The following WNK2 variants were observed in gnomAD, a reference collection of about 807,000 sequenced individuals.
The protein encoded by WNK2 is serine/threonine-protein kinase WNK2.
WNK2 carries 67 observed loss-of-function variants against 192.1 expected under a neutral mutation model. The observed-to-expected ratio is 0.35, with a 90% CI of 0.29 to 0.43. The LOEUF is 0.43. Ranked by LOEUF, WNK2 falls within the 20% of genes least tolerant of loss-of-function variation. The pLI is 1.00. For synonymous variants in WNK2, 1,439 were observed against 1,393.9 expected (o/e 1.03, Z -0.72); for missense variants, 2,698 against 3,089.7 (o/e 0.87, Z 3.01).
At chr9:93,235,805 C>G (rs1478877521) in intron 5 of WNK2, among the ~76,000 whole-genome samples, 2 of 152,344 alleles carry the variant, frequency 1.3e-5, no homozygotes, top group East Asian at 3.9e-4. Context: ...CAGTGCTGCT[C>G]TGCGGGGCCA....
intron 2 of WNK2, among the ~76,000 whole-genome samples, chr9:93,185,919 G>A (rs1351338086): frequency 6.6e-6 from 1 of 152,210 alleles, no homozygotes; most frequent in Non-Finnish European, 1.5e-5. Flanking sequence ...GTGGGCCTCG[G>A]AGGCTGTGTC....
At chr9:93,201,264 C>T (rs1832301165) in intron 2 of WNK2, among the ~76,000 whole-genome samples, 2 of 152,226 alleles carry the variant, frequency 1.3e-5, no homozygotes, top group African/African-American at 4.8e-5. Context: ...GACACTGGGG[C>T]TGTCTGGGCT....
Position 93,317,603 on chromosome 9 carries a change from C to T in WNK2, c.6600C>T (p.Ala2200=), listed in dbSNP as rs767417874. ...TGTCCACCACGGTCATTCCCGGAGCCGCCCCGACCCTGTCCGTGCCCACAC... is the reference window on the plus strand; with the variant it reads ...TGTCCACCACGGTCATTCCCGGAGCTGCCCCGACCCTGTCCGTGCCCACAC... ...GPLSTTVIPG[A]APTLSVPTPD... The change falls in exon 29 of 30, where the codon GCC becomes GCT. Residue 2200 remains alanine (A), a synonymous_variant. Coordinates refer to ENST00000427277, the MANE Select transcript of WNK2 (RefSeq NM_006648.4). The T allele has an allele frequency of 4.2e-5, 68 of 1,613,052 alleles. No homozygotes were observed. Among genetic ancestry groups the T allele is most frequent in the Middle Eastern group, 1.6e-4 (1 of 6,084 alleles).
Position 93,290,333 on chromosome 9 carries a change from T to C in WNK2, c.4936+286T>C, listed in dbSNP as rs976940478. 2.6e-4 allele frequency among the ~76,000 whole-genome samples: 35 copies of C among 132,086 alleles called. No individual in the cohort carries two copies. The South Asian group carries it at 7.8e-3, about 30-fold the overall frequency. The allele number at this position is 132,086 out of a possible 152,430, so 86.7% of individuals were successfully genotyped here. ...ACAAATTGTTAAGCTTCTTATGAGC[T>C]TTTTTTTTTTTTTCAATTTTTTAAA... On this transcript the variant is annotated intron_variant, in intron 21 of 29. Coordinates refer to ENST00000427277, the MANE Select transcript of WNK2 (RefSeq NM_006648.4).
rs773739580 is a variant in WNK2, at chr9:93,239,155, C to T, written c.1323-602C>T. 3.3e-5 allele frequency among the ~76,000 whole-genome samples: 5 copies of T among 152,214 alleles called. No individual in the cohort carries two copies. The highest frequency in any genetic ancestry group is 5.9e-5 in the Non-Finnish European group (4 of 68,030). ...TGGTCACCATGGCAACACCCTGTGG[C>T]CCGCCCTCCCGGATCCCTGCAAAGA... On this transcript the variant is annotated intron_variant, in intron 6 of 29. Transcript: ENST00000427277. This position sits in a 1 kb window ranked among gnomAD's most constrained non-coding sequence, Gnocchi z 4.2.
intron 2 of WNK2, among the ~76,000 whole-genome samples, chr9:93,212,828 A>G (rs574736614): frequency 1.3e-5 from 2 of 152,274 alleles, no homozygotes; most frequent in East Asian, 3.9e-4. Context: ...GTGTTTCTTC[A>G]TCTCTGGGTG....
At chr9:93,293,567 G>A (rs568950549) in intron 23 of WNK2, among the ~76,000 whole-genome samples, 6 of 152,160 alleles carry the variant, frequency 3.9e-5, no homozygotes, top group East Asian at 1.9e-4. Flanking sequence ...TGATCCACCC[G>A]CCTTGGCCTC....
chr9:93,298,213 G>T (rs1470010922), intron 24 of WNK2, 146 bp downstream of exon 24: 2 of 955,444 alleles, frequency 2.1e-6, no homozygotes, highest in Admixed American at 2.3e-5. Flanking sequence ...TTTCCCTGGA[G>T]CAGGGGAGTC....
At chr9:93,206,404 C>G (rs1378916245) in intron 2 of WNK2, among the ~76,000 whole-genome samples, 1 of 152,152 alleles carries the variant, frequency 6.6e-6, no homozygotes, top group African/African-American at 2.4e-5. Context: ...GAGGGCACAG[C>G]ATTTGGCATG....
At chr9:93,277,803 C>T (rs907691986) in intron 19 of WNK2, among the ~76,000 whole-genome samples, 2 of 151,926 alleles carry the variant, frequency 1.3e-5, no homozygotes, top group African/African-American at 4.8e-5. Flanking sequence ...GAACTCTACC[C>T]CTAAAGAAAA....
chr9:93,254,299 G>A (rs561106941), intron 9 of WNK2, among the ~76,000 whole-genome samples: 1 of 152,346 alleles, frequency 6.6e-6, no homozygotes, highest in East Asian at 1.9e-4. Flanking sequence ...TGCAGCCACT[G>A]TGTACTCCGG....
rs1563997646 is a variant in WNK2, at chr9:93,211,259, C to CACACACTCGCACATTT, written c.682-18435_682-18434insACACTCGCACATTTAC. 4.6e-4 allele frequency among the ~76,000 whole-genome samples: 68 copies of CACACACTCGCACATTT among 147,528 alleles called. 5 individuals carry two copies. The highest frequency in any genetic ancestry group is 3.7e-3 in the Middle Eastern group (1 of 272). ...TCACTCATTCACTCACTCACTCATT[C>CACACACTCGCACATTT]ACTCATTCACTCACTCATCCACTCA... On this transcript the variant is annotated intron_variant, in intron 2 of 29. Transcript: ENST00000427277.
intron 9 of WNK2, among the ~76,000 whole-genome samples, chr9:93,255,690 G>A (rs1387298144): frequency 1.3e-5 from 2 of 152,182 alleles, no homozygotes; most frequent in African/African-American, 4.8e-5. Context: ...ATCCTAGACA[G>A]CAAGACACTT....
At position 93,256,994 on chromosome 9, in the gene WNK2, C is replaced by T; in HGVS notation, c.2237C>T (p.Pro746Leu). The change falls in exon 11 of 30, where the codon CCA becomes CTA. Residue 746 changes from proline (P) to leucine (L), a missense_variant. Coordinates refer to ENST00000427277, the MANE Select transcript of WNK2 (RefSeq NM_006648.4). ...ACACCCCTGCCGCAGGTCCTGGCCC[C>T]ACAGCCCGTGGTCCCCCTCCAGCCG... ...QPTPLPQVLAPQPVVPLQPVP... is the reference protein window; with the variant it reads ...QPTPLPQVLALQPVVPLQPVP... 6.3e-7 allele frequency: 1 copy of T among 1,597,624 alleles called. No individual in the cohort carries two copies. Among genetic ancestry groups the T allele is most frequent in the Non-Finnish European group, 8.5e-7 (1 of 1,176,052 alleles).
chr9:93,199,298 C>A (rs1831897684), intron 2 of WNK2, among the ~76,000 whole-genome samples: 1 of 152,170 alleles, frequency 6.6e-6, no homozygotes, highest in African/African-American at 2.4e-5. Flanking sequence ...TTCAGGCTTC[C>A]CCCAATGTCA....
At chr9:93,310,318 C>G (rs759505031) in intron 28 of WNK2, among the ~76,000 whole-genome samples, 7 of 152,188 alleles carry the variant, frequency 4.6e-5, no homozygotes, top group African/African-American at 7.2e-5. Flanking sequence ...CCTGGGCAGG[C>G]TCATCTCTGC....
At position 93,268,663 on chromosome 9, in the gene WNK2, C is replaced by CGGT. The variant is rs1564133787; in HGVS notation, c.3953_3955dup (p.Val1318dup). ...GGGAAGAGGTGGTTCATCATCTGTC[C>CGGT]GGTGGCTGAGCACCCCGCCCCCGAG... On this transcript the variant is annotated inframe_insertion, in exon 19 of 30. Coordinates refer to ENST00000427277, the MANE Select transcript of WNK2 (RefSeq NM_006648.4). 2 of 1,613,524 alleles carry CGGT rather than the reference C, an allele frequency of 1.2e-6. No individual in the cohort carries two copies. The highest frequency in any genetic ancestry group is 3.3e-5 in the Admixed American group (2 of 59,998).
Position 93,288,804 on chromosome 9 carries a change from A to G in WNK2, c.4050A>G (p.Lys1350=). The change falls in exon 20 of 30, where the codon AAA becomes AAG. Residue 1350 remains lysine, a synonymous_variant. Transcript: ENST00000427277. ...PEASQDSAPY[K]DQLSSKEQPS... ...TTCTTCTAGATTCAGCGCCCTATAAAGACCAGCTGTCCTCGAAGGAACAAC... is the reference window on the plus strand; with the variant it reads ...TTCTTCTAGATTCAGCGCCCTATAAGGACCAGCTGTCCTCGAAGGAACAAC... The G allele has an allele frequency of 2.5e-6, 4 of 1,611,526 alleles. No individual in the cohort carries two copies. The highest frequency in any genetic ancestry group is 3.4e-6 in the Non-Finnish European group (4 of 1,179,332).
rs1848968554 is a variant in WNK2, at chr9:93,289,430, T to C, written c.4676T>C (p.Leu1559Pro). 1 of 1,612,860 alleles carries C rather than the reference T, an allele frequency of 6.2e-7. No homozygotes were observed. Among genetic ancestry groups the C allele is most frequent in the Non-Finnish European group, 8.5e-7 (1 of 1,179,746 alleles). Reference sequence around the variant, plus strand: ...AGCCTGGACGAGAAGCTGCGGACTCTGCTCTACCAGGAGCACGTGCCCACC... The same window carrying C: ...AGCCTGGACGAGAAGCTGCGGACTCCGCTCTACCAGGAGCACGTGCCCACC... ...IKSLDEKLRT[L>P]LYQEHVPTSS... Residue 1559 changes from leucine (L) to proline (P), a missense_variant, in exon 20 of 30, where the codon CTG (leucine) becomes CCG (proline). Physicochemically the swap from Leu to Pro is moderately conservative, Grantham distance 98. Transcript: ENST00000427277.
Sources: gnomAD v4.1 joint callset for allele counts (sites outside exome capture counted in the v4.1 genomes callset) on GRCh38, gnomAD v4.1.1 for gene constraint, Gnocchi (gnomAD v3.1) non-coding constraint, MANE v1.5 for transcripts, NCBI Gene and HGNC (gene_info 2026-07-23, HGNC 2026-07-21) for gene names.